Variants in EPHA5 observed in about 807,000 individuals in gnomAD.
EPHA5 encodes the protein ephrin type-A receptor 5.
In EPHA5, 60 loss-of-function variants were observed where a neutral mutation model predicts 105.0. That is an observed-to-expected ratio of 0.57 (90% CI 0.46 to 0.71). The LOEUF is 0.71. EPHA5 is among the 30% of genes least tolerant of loss of function. The pLI is 0.00. For missense variants in EPHA5, 1,218 were observed against 1,274.7 expected (o/e 0.96, Z 0.68); for synonymous variants, 513 against 449.1 (o/e 1.14, Z -1.80).
intron 8 of EPHA5, among the ~76,000 whole-genome samples, chr4:65,387,575 A>T (rs1720230001): frequency 6.6e-6 from 1 of 151,938 alleles, no homozygotes; most frequent in East Asian, 1.9e-4. Context: ...TAAGCCTTAA[A>T]AAAAAGCCTT....
At position 65,335,965 on chromosome 4, in the gene EPHA5, C is replaced by T. The variant is rs766614671; in HGVS notation, c.2756G>A (p.Ser919Asn). 11 of 1,612,436 alleles carry T rather than the reference C, an allele frequency of 6.8e-6. No homozygotes were observed. Among genetic ancestry groups the T allele is most frequent in the African/African-American group, 2.7e-5 (2 of 74,764 alleles). ...TGCATTAACCAGCGTCTTCAGACTACTTGGGTTACGTATCAGCTTGTCCAA... is the reference window on the plus strand; with the variant it reads ...TGCATTAACCAGCGTCTTCAGACTATTTGGGTTACGTATCAGCTTGTCCAA... ...NMLDKLIRNP[S>N]SLKTLVNASC... Residue 919 changes from serine to asparagine, a missense_variant, in exon 15 of 17, where the codon AGT becomes AAT. Coordinates refer to ENST00000613740, the MANE Select transcript of EPHA5 (RefSeq NM_001281766.3).
intron 7 of EPHA5, among the ~76,000 whole-genome samples, chr4:65,413,446 ACT>A (rs1723100016): frequency 6.6e-6 from 1 of 152,130 alleles, no homozygotes; most frequent in East Asian, 1.9e-4. Context: ...TAATTTAATA[ACT>A]CTTCTGATTC....
At chr4:65,411,121 T>A (rs1318513882) in intron 7 of EPHA5, among the ~76,000 whole-genome samples, 1 of 152,038 alleles carries the variant, frequency 6.6e-6, no homozygotes, top group Non-Finnish European at 1.5e-5. Flanking sequence ...TTTTTATGCA[T>A]GATAAAATTA....
At chr4:65,566,175 T>A (rs188508729) in intron 3 of EPHA5, among the ~76,000 whole-genome samples, 1 of 151,736 alleles carries the variant, frequency 6.6e-6, no homozygotes, top group South Asian at 2.1e-4. Flanking sequence ...TGAAAAACAA[T>A]GGGGTCTCCT....
In EPHA5 at chr4:65,464,402, A is replaced by G. The variant is rs566167025; in HGVS notation, c.1402+25975T>C. On this transcript the variant is annotated intron_variant, in intron 5 of 16. Transcript: ENST00000613740. ...CTCAGGAGATTGATAAGGCAACACA[A>G]AGGAGAAGCAGGCACTTTTATTTTA... 4.5e-4 allele frequency among the ~76,000 whole-genome samples: 68 copies of G among 152,194 alleles called. 1 individual carries two copies. In the South Asian group the frequency reaches 0.013, roughly 30 times the overall value.
intron 5 of EPHA5, among the ~76,000 whole-genome samples, chr4:65,432,825 G>C (rs894155163): frequency 4.5e-4 from 68 of 151,192 alleles, no homozygotes; most frequent in Non-Finnish European, 7.4e-5. Flanking sequence ...ATTTGAAGTA[G>C]ATAAATTTTG....
rs140949477 is a variant in EPHA5 at position 65,467,502 on chromosome 4, T to C, written c.1402+22875A>G. On this transcript the variant is annotated intron_variant, in intron 5 of 16. Coordinates refer to ENST00000613740, the MANE Select transcript of EPHA5 (RefSeq NM_001281766.3). ...ATGACATGCTATTTCTCTTAGTAAC[T>C]TGACTTTACAAGAGACAAGCCTGAG... Among the ~76,000 whole-genome samples the C allele has an allele frequency of 4.2e-3, 638 of 152,310 alleles. 7 individuals are homozygous for C. The highest frequency in any genetic ancestry group is 0.015 in the African/African-American group (619 of 41,558).
chr4:65,336,845 G>A (rs1721232766), intron 14 of EPHA5, among the ~76,000 whole-genome samples: 1 of 151,992 alleles, frequency 6.6e-6, no homozygotes, highest in East Asian at 1.9e-4. Flanking sequence ...CCTAACTTAA[G>A]AAGAAATTTG....
intron 1 of EPHA5, among the ~76,000 whole-genome samples, chr4:65,655,943 T>C (rs1336682389): frequency 2.0e-5 from 3 of 152,030 alleles, no homozygotes; most frequent in Non-Finnish European, 4.4e-5. Context: ...TTTTATATTT[T>C]AACACAGTAG....
intron 5 of EPHA5, among the ~76,000 whole-genome samples, chr4:65,430,155 C>T (rs1724837689): frequency 6.6e-6 from 1 of 151,986 alleles, no homozygotes; most frequent in African/African-American, 2.4e-5. Flanking sequence ...CTGCTCAAGT[C>T]ACATGTAAGG....
intron 5 of EPHA5, among the ~76,000 whole-genome samples, chr4:65,440,320 C>A (rs1725887250): frequency 6.6e-6 from 1 of 151,780 alleles, no homozygotes. Flanking sequence ...ATAAGTAATA[C>A]ACTAAGAAGA....
intron 5 of EPHA5, among the ~76,000 whole-genome samples, chr4:65,444,513 C>G (rs975914392): frequency 1.3e-5 from 2 of 151,910 alleles, no homozygotes; most frequent in African/African-American, 4.8e-5. Context: ...GTATATATAC[C>G]TTGTCTGGTT....
At chr4:65,566,436 A>G (rs1425805385) in intron 3 of EPHA5, among the ~76,000 whole-genome samples, 4 of 151,814 alleles carry the variant, frequency 2.6e-5, no homozygotes, top group African/African-American at 9.7e-5. Context: ...ATACCTTTCC[A>G]TATCAATTTT....
intron 3 of EPHA5, among the ~76,000 whole-genome samples, chr4:65,514,928 C>T (rs779304874): frequency 2.1e-4 from 32 of 152,240 alleles, no homozygotes; most frequent in Middle Eastern, 3.4e-3. Flanking sequence ...CCTACCTCAG[C>T]CAATATTTCC....
chr4:65,551,272 GTGTGTGTGTATATA>G (rs1737885727), intron 3 of EPHA5, among the ~76,000 whole-genome samples: 1 of 101,538 alleles, frequency 9.8e-6, no homozygotes, highest in African/African-American at 4.0e-5. Context: ...GTGTGTGTGT[GTGTGTGTGTATATA>G]TATATATATA....
intron 9 of EPHA5, among the ~76,000 whole-genome samples, chr4:65,366,601 C>A (rs894843535): frequency 6.6e-6 from 1 of 151,816 alleles, no homozygotes; most frequent in Non-Finnish European, 1.5e-5. Context: ...AGTTTTATCA[C>A]ATTTAACGGC....
chr4:65,564,027 T>A (rs1192414773), intron 3 of EPHA5, among the ~76,000 whole-genome samples: 1 of 151,980 alleles, frequency 6.6e-6, no homozygotes, highest in South Asian at 2.1e-4. Context: ...AACAAAATTA[T>A]CATCTGTTGT....
At chr4:65,396,566 A>G (rs1482412611) in intron 8 of EPHA5, among the ~76,000 whole-genome samples, 1 of 152,144 alleles carries the variant, frequency 6.6e-6, no homozygotes, top group Non-Finnish European at 1.5e-5. Context: ...TAAATGCGAC[A>G]CCAGTGATGA....
intron 3 of EPHA5, among the ~76,000 whole-genome samples, chr4:65,504,953 G>A (rs4604103): frequency 0.16 from 24,797 of 151,884 alleles, 2,676 homozygotes; most frequent in East Asian, 0.36. Context: ...ATGCTAAGCA[G>A]TTCTTCTATC....
Sources: allele counts gnomAD v4.1 joint callset (sites outside exome capture counted in the v4.1 genomes callset), GRCh38; gene constraint gnomAD v4.1.1; transcripts MANE v1.5; gene names NCBI Gene and HGNC (gene_info 2026-07-23, HGNC 2026-07-21).